Variants in USP25 observed in about 807,000 individuals in gnomAD.
USP25 encodes the protein ubiquitin specific peptidase 25, also known as ubiquitin carboxyl-terminal hydrolase 25.
Under a neutral mutation model 158.5 loss-of-function variants are expected in USP25, and 85 were observed. The observed-to-expected ratio is 0.54, with a 90% CI of 0.45 to 0.64. The LOEUF is 0.64. USP25 is among the 30% of genes least tolerant of loss of function. USP25 has a pLI of 0.00. For missense variants in USP25, 1,242 were observed against 1,327.3 expected (o/e 0.94, Z 1.00); for synonymous variants, 464 against 460.4 (o/e 1.01, Z -0.10).
chr21:15,831,236 A>G (rs1338976022), intron 15 of USP25, among the ~76,000 whole-genome samples, 165 bp from the exon 16 acceptor site: 1 of 151,874 alleles, frequency 6.6e-6, no homozygotes, highest in Non-Finnish European at 1.5e-5. Flanking sequence ...TTAAAGTTTT[A>G]TAGTTTAGTT....
chr21:15,854,291 G>T (rs1279797180), intron 20 of USP25, among the ~76,000 whole-genome samples: 1 of 151,936 alleles, frequency 6.6e-6, no homozygotes, highest in Non-Finnish European at 1.5e-5. Flanking sequence ...GACTACAGGG[G>T]CCCGCCACCA....
intron 17 of USP25, among the ~76,000 whole-genome samples, chr21:15,834,751 A>G (rs189571508): frequency 4.6e-5 from 7 of 152,330 alleles, no homozygotes; most frequent in Admixed American, 3.9e-4. Flanking sequence ...TAAAAAGATA[A>G]TGGTATCACA....
chr21:15,843,554 A>G lies in USP25; in HGVS notation c.2337+1014A>G, dbSNP rs775599808. On this transcript the variant is annotated intron_variant, in intron 18 of 25. Transcript: ENST00000400183. The surrounding 1 kb of genome is among the most constrained non-coding windows in gnomAD (Gnocchi z 4.0). ...AACAATTTTGAAAATGTATTAATATATCATCTTATTAAAATGTATTAATTT... is the reference window on the plus strand; with the variant it reads ...AACAATTTTGAAAATGTATTAATATGTCATCTTATTAAAATGTATTAATTT... Among the ~76,000 whole-genome samples the G allele has an allele frequency of 3.3e-5, 5 of 152,226 alleles. No homozygotes were observed. Among genetic ancestry groups the G allele is most frequent in the African/African-American group, 4.8e-5 (2 of 41,472 alleles).
At chr21:15,762,818 G>A in intron 1 of USP25, 73 bp from the exon 2 acceptor site, 17 of 1,374,700 alleles carry the variant, frequency 1.2e-5, no homozygotes, top group Non-Finnish European at 1.7e-5. Flanking sequence ...AAAACCAAAG[G>A]TGATTTGTTT....
intron 3 of USP25, among the ~76,000 whole-genome samples, chr21:15,775,477 G>A (rs999040882): frequency 2.0e-5 from 3 of 152,148 alleles, no homozygotes; most frequent in African/African-American, 7.2e-5. Context: ...GGCTACTTCT[G>A]TCACAATTAG....
intron 18 of USP25, 139 bp from the exon 19 acceptor site, chr21:15,847,524 G>T (rs145634660): frequency 1.7e-6 from 1 of 580,074 alleles, no homozygotes. Context: ...TAGTGCATGT[G>T]CGTTGGAACT....
chr21:15,870,141 GAGAA>G lies in USP25; in HGVS notation c.2882_2885del (p.Glu961ValfsTer3), dbSNP rs753768936. ...ATAATTGGGCTAGAAAATTTTCAAA[GAGAA>G]AGGTAAGGCAAAGTGGACAAATATG... is the stretch of plus-strand genomic sequence containing the variant. On this transcript the variant is annotated frameshift_variant and splice_region_variant, in exon 23 of 26. Transcript: ENST00000400183. LOFTEE classifies it high-confidence loss of function. The G allele has an allele frequency of 2.5e-6, 4 of 1,607,364 alleles. No individual in the cohort carries two copies. In the South Asian group the frequency reaches 4.4e-5, roughly 18 times the overall value.
intron 14 of USP25, among the ~76,000 whole-genome samples, chr21:15,829,280 A>T (rs1377579812): frequency 6.6e-6 from 1 of 152,152 alleles, no homozygotes; most frequent in Non-Finnish European, 1.5e-5. Context: ...ACAGTACCTG[A>T]TAGGTGGTTT....
intron 3 of USP25, among the ~76,000 whole-genome samples, chr21:15,775,837 G>T (rs996346594): frequency 7.0e-6 from 1 of 143,160 alleles, no homozygotes; most frequent in Non-Finnish European, 1.5e-5. Flanking sequence ...AACCCTAACT[G>T]CCAGTGAATA....
intron 1 of USP25, among the ~76,000 whole-genome samples, chr21:15,748,447 C>G (rs1341529679): frequency 7.9e-6 from 1 of 127,004 alleles, no homozygotes; most frequent in Non-Finnish European, 1.7e-5. Context: ...CACCCAGCTA[C>G]TTTTTAGTTT....
chr21:15,826,987 C>G lies in USP25; in HGVS notation c.1477C>G (p.Gln493Glu), dbSNP rs988375763. Reference sequence around the variant, plus strand: ...TATGCTTTGATACAGCACAACAGAACAACAGGGAGCCCTATCTTCAGAACT... The same window carrying G: ...TATGCTTTGATACAGCACAACAGAAGAACAGGGAGCCCTATCTTCAGAACT... ...PSQTLPSTTE[Q>E]QGALSSELPS... Residue 493 changes from glutamine to glutamate, a missense_variant, in exon 14 of 26, where the codon CAA (glutamine) becomes GAA (glutamate). This residue lies in a region of USP25 where 627 missense variants were observed against 701.4 expected (regional missense o/e 0.89). Transcript: ENST00000400183. This position sits in a 1 kb window ranked among gnomAD's most constrained non-coding sequence, Gnocchi z 4.8. The G allele has an allele frequency of 3.1e-6, 5 of 1,613,606 alleles. No individual in the cohort carries two copies. The highest frequency in any genetic ancestry group is 4.2e-6 in the Non-Finnish European group (5 of 1,180,000).
chr21:15,780,279 A>G (rs1188104265), intron 4 of USP25, among the ~76,000 whole-genome samples: 2 of 152,154 alleles, frequency 1.3e-5, no homozygotes, highest in South Asian at 2.1e-4. Flanking sequence ...ACGTCTTAGA[A>G]TCCTGTGTTT....
intron 1 of USP25, among the ~76,000 whole-genome samples, chr21:15,738,454 ATGGT>A (rs2031728423): frequency 6.6e-6 from 1 of 152,152 alleles, no homozygotes; most frequent in Admixed American, 6.5e-5. Flanking sequence ...TATCTCTTGT[ATGGT>A]TTATAATTTA....
intron 3 of USP25, among the ~76,000 whole-genome samples, chr21:15,775,162 T>G (rs1447411684): frequency 1.3e-5 from 2 of 152,204 alleles, no homozygotes; most frequent in African/African-American, 4.8e-5. Flanking sequence ...AAAATATATT[T>G]GGGGAAAAAA....
chr21:15,830,187 T>C lies in USP25; in HGVS notation c.1694-344T>C. ...TATGTGGTGAACATGTTTTACTTTG[T>C]TCTTAAGTTTACTTGTGTTATAGCA... On this transcript the variant is annotated intron_variant, in intron 14 of 25. Transcript: ENST00000400183. 1.3e-5 allele frequency among the ~76,000 whole-genome samples: 2 copies of C among 152,192 alleles called. 1 individual carries two copies. The highest frequency in any genetic ancestry group is 3.9e-4 in the East Asian group (2 of 5,188).
intron 10 of USP25, among the ~76,000 whole-genome samples, chr21:15,823,634 A>G (rs1042293135): frequency 6.6e-6 from 1 of 152,076 alleles, no homozygotes; most frequent in African/African-American, 2.4e-5. Context: ...ACTCCCTCTC[A>G]TAAGTTATTT....
In USP25 at chr21:15,824,165, A is replaced by G; in HGVS notation, c.1207A>G (p.Arg403Gly). 5 of 1,611,842 alleles carry G rather than the reference A, an allele frequency of 3.1e-6. No homozygotes were observed. Among genetic ancestry groups the G allele is most frequent in the Non-Finnish European group, 4.2e-6 (5 of 1,179,674 alleles). ...LEFPQVLYLD[R>G]YMHRNREITR... ...ATTTCCCCAAGTTTTATATTTGGAC[A>G]GGTATGGTTTGATATACTGCATGAC... The change falls in exon 11 of 26, where the codon AGA becomes GGA. Residue 403 changes from arginine (R) to glycine (G), a missense_variant and splice_region_variant. This residue lies in a region of USP25 where 627 missense variants were observed against 701.4 expected (regional missense o/e 0.89). Coordinates refer to ENST00000400183, the MANE Select transcript of USP25 (RefSeq NM_001283041.3).
chr21:15,730,196 C>CA lies in USP25; in HGVS notation c.-197dup. 2.6e-6 allele frequency: 1 copy of CA among 388,458 alleles called. No individual in the cohort carries two copies. The highest frequency in any genetic ancestry group is 3.5e-6 in the Non-Finnish European group (1 of 285,308). 24.1% of individuals were successfully genotyped at this position (388,458 alleles called of 1,614,324 possible). ...CGTGAGGCGGCCGCCGTGGCCCTCACAGTCGGCGTTTCGCCGCCTGCCCGC... is the reference window on the plus strand; with the variant it reads ...CGTGAGGCGGCCGCCGTGGCCCTCACAAGTCGGCGTTTCGCCGCCTGCCCGC... On this transcript the variant is annotated 5_prime_UTR_variant, in exon 1 of 26. Transcript: ENST00000400183.
chr21:15,841,975 G>T (rs1411413150), intron 17 of USP25, among the ~76,000 whole-genome samples: 3 of 152,156 alleles, frequency 2.0e-5, no homozygotes, highest in African/African-American at 4.8e-5. Flanking sequence ...TTCATTCAGG[G>T]TTAAGATTTT....
Sources: gnomAD v4.1 joint callset for allele counts (sites outside exome capture counted in the v4.1 genomes callset) on GRCh38, gnomAD v4.1.1 for gene constraint, gnomAD v4.1.1 regional missense constraint, Gnocchi (gnomAD v3.1) non-coding constraint, MANE v1.5 for transcripts, NCBI Gene and HGNC (gene_info 2026-07-23, HGNC 2026-07-21) for gene names.